Variants in MAP7D3 observed in about 807,000 individuals in gnomAD.
MAP7D3 encodes the protein MAP7 domain-containing protein 3.
MAP7D3 carries 45 observed loss-of-function variants against 62.2 expected under a neutral mutation model. That is an observed-to-expected ratio of 0.72 (90% CI 0.57 to 0.93). MAP7D3 has a LOEUF of 0.93. Among genes scored for constraint, MAP7D3 ranks in the 40% least tolerant of loss-of-function variants. The pLI, the probability that MAP7D3 is intolerant of heterozygous loss-of-function variation, is 0.00. For synonymous variants in MAP7D3, 288 were observed against 248.8 expected (o/e 1.16, Z -1.48); for missense variants, 711 against 683.1 (o/e 1.04, Z -0.45).
chrX:136,239,043 A>C (rs756828036), intron 6 of MAP7D3, among the ~76,000 whole-genome samples: 1 of 112,018 alleles, frequency 8.9e-6, no homozygotes, highest in South Asian at 3.7e-4. Context: ...ATCTTTCCTC[A>C]TCATTTTTAC....
rs753522506 is a variant in MAP7D3, at chrX:136,230,866, C to A, written c.1514G>T (p.Cys505Phe). Reference sequence around the variant, plus strand: ...AGTGCTGATGGGAGACGGCAGACCACAAGCATTTTCAGGAGATGATGACCA... The same window carrying A: ...AGTGCTGATGGGAGACGGCAGACCAAAAGCATTTTCAGGAGATGATGACCA... ...YKWSSSPENACGLPSPISTNR... is the reference protein window; with the variant it reads ...YKWSSSPENAFGLPSPISTNR... The change falls in exon 9 of 19, where the codon TGT becomes TTT. Residue 505 changes from cysteine to phenylalanine, a missense_variant. Coordinates refer to ENST00000316077, the MANE Select transcript of MAP7D3 (RefSeq NM_024597.4). 1.7e-5 allele frequency: 20 copies of A among 1,204,417 alleles called. No homozygotes were observed. In the East Asian group the frequency reaches 4.7e-4, roughly 29 times the overall value.
upstream of MAP7D3, chrX:136,256,150 C>T (rs1182001142): frequency 5.3e-6 from 4 of 750,163 alleles, no homozygotes; most frequent in Non-Finnish European, 6.3e-6. Context: ...TTTCTCCTCT[C>T]GTCGCTCACT....
intron 8 of MAP7D3, 165 bp from the exon 9 acceptor site, chrX:136,231,131 G>A (rs1340764021): frequency 5.7e-6 from 2 of 353,706 alleles, no homozygotes; most frequent in Admixed American, 5.4e-5. Flanking sequence ...ATTGATATTT[G>A]CTTCTGGACT....
In MAP7D3 at chrX:136,217,197, G is replaced by A. The variant is rs1374275808; in HGVS notation, c.*1329C>T. On this transcript the variant is annotated 3_prime_UTR_variant, in exon 19 of 19. Transcript: ENST00000316077. The stretch of plus-strand genomic sequence containing the variant: ...TCATATACTGTGTGTGCATACATAC[G>A]TGTATGTACATCTGTGTGCATTTCT... 2 of 112,163 alleles carry A rather than the reference G, an allele frequency of 1.8e-5. No individual in the cohort carries two copies. The highest frequency in any genetic ancestry group is 3.8e-5 in the Non-Finnish European group (2 of 53,175). 9.2% of individuals were successfully genotyped at this position (112,163 alleles called of 1,213,427 possible).
intron 1 of MAP7D3, among the ~76,000 whole-genome samples, chrX:136,248,848 TA>T (rs2074476502): frequency 8.9e-6 from 1 of 112,138 alleles, no homozygotes; most frequent in African/African-American, 3.2e-5. Context: ...TTCACACAGG[TA>T]GTAAGTGGTG....
chrX:136,226,164 G>A (rs1410402467), intron 12 of MAP7D3, 151 bp from the exon 13 acceptor site: 13 of 422,198 alleles, frequency 3.1e-5, no homozygotes, highest in Non-Finnish European at 4.0e-5. Context: ...TGATATTTGC[G>A]GATTGTCAAT....
At chrX:136,233,357 C>T (rs1244363126) in intron 7 of MAP7D3, among the ~76,000 whole-genome samples, 1 of 106,994 alleles carries the variant, frequency 9.3e-6, no homozygotes, top group East Asian at 2.9e-4. Context: ...TCACTGCAAC[C>T]TCCGCCTCCC....
Position 136,232,166 on chromosome X carries a change from C to A in MAP7D3, c.791G>T (p.Cys264Phe), listed in dbSNP as rs201515852. The A allele has an allele frequency of 1.7e-6, 2 of 1,207,076 alleles. No individual in the cohort carries two copies. The highest frequency in any genetic ancestry group is 3.5e-5 in the African/African-American group (2 of 57,236). ...MQYVTVPLRK[C>F]TSDELRAVMF... is the part of the protein sequence containing the mutation. Reference sequence around the variant, plus strand: ...AACAGCCCTCAATTCGTCGCTAGTACATTTACGCAAGGGTACAGTGACATA... The same window carrying A: ...AACAGCCCTCAATTCGTCGCTAGTAAATTTACGCAAGGGTACAGTGACATA... Residue 264 changes from cysteine to phenylalanine, a missense_variant, in exon 8 of 19, where the codon TGT becomes TTT. Cys to Phe is a radical substitution (Grantham distance 205). Transcript: ENST00000316077.
At chrX:136,245,679 G>A (rs765859875) in intron 3 of MAP7D3, among the ~76,000 whole-genome samples, 101 of 110,429 alleles carry the variant, frequency 9.1e-4, no homozygotes, top group African/African-American at 3.0e-3. Flanking sequence ...CCCGGGAGGC[G>A]GAGGCTGCAG....
At chrX:136,224,216 C>T (rs765068134) in intron 14 of MAP7D3, among the ~76,000 whole-genome samples, 1 of 108,999 alleles carries the variant, frequency 9.2e-6, no homozygotes, top group African/African-American at 3.3e-5. Context: ...GTCTGGCCAA[C>T]ATGTTGAAAC....
chrX:136,243,647 G>A (rs1043751287), intron 4 of MAP7D3, among the ~76,000 whole-genome samples: 3 of 109,734 alleles, frequency 2.7e-5, no homozygotes, highest in Non-Finnish European at 5.7e-5. Context: ...AAGTTGCAGT[G>A]AGCCAAGATC....
intron 6 of MAP7D3, among the ~76,000 whole-genome samples, chrX:136,238,125 T>A (rs1331012232): frequency 2.7e-5 from 3 of 111,728 alleles, no homozygotes; most frequent in Non-Finnish European, 3.8e-5. Flanking sequence ...CAGTCTATCA[T>A]TGATGGACAT....
chrX:136,240,245 C>A, intron 6 of MAP7D3, 137 bp downstream of exon 6: 1 of 442,830 alleles, frequency 2.3e-6, no homozygotes, highest in Non-Finnish European at 4.0e-6. Context: ...ATCTCTCTCC[C>A]TCTGCTGTAA....
At chrX:136,252,676 C>CAAAA (rs770751343), upstream of MAP7D3, among the ~76,000 whole-genome samples, 65 of 36,039 alleles carry the variant, frequency 1.8e-3, no homozygotes, top group African/African-American at 3.5e-3. Context: ...GACTCTGTCT[C>CAAAA]AAAAAAAAAA....
intron 7 of MAP7D3, among the ~76,000 whole-genome samples, chrX:136,232,601 G>A (rs773965159): frequency 2.7e-5 from 3 of 111,582 alleles, no homozygotes; most frequent in Admixed American, 9.5e-5. Flanking sequence ...AAACATCTTC[G>A]CCAGGGCTAG....
intron 10 of MAP7D3, among the ~76,000 whole-genome samples, chrX:136,229,756 A>G (rs748236584): frequency 1.9e-5 from 2 of 105,703 alleles, no homozygotes; most frequent in East Asian, 5.9e-4. Context: ...ACTAGAGTGT[A>G]AAGGCACTAT....
Position 136,245,563 on chromosome X carries a change from C to T in MAP7D3, c.253+502G>A, listed in dbSNP as rs5974588. ...GAGATCAAGACCACCCGGGCTAACACGATGAAACCCCGTCTCTACCAAAAA... is the reference window on the plus strand; with the variant it reads ...GAGATCAAGACCACCCGGGCTAACATGATGAAACCCCGTCTCTACCAAAAA... On this transcript the variant is annotated intron_variant, in intron 3 of 18. Coordinates refer to ENST00000316077, the MANE Select transcript of MAP7D3 (RefSeq NM_024597.4). Among the ~76,000 whole-genome samples the T allele has an allele frequency of 5.2e-3, 571 of 110,810 alleles. 1 individual carries two copies. The highest frequency in any genetic ancestry group is 0.018 in the African/African-American group (543 of 30,466).
In MAP7D3 at chrX:136,233,287, T is replaced by TC. The variant is rs1408111101; in HGVS notation, c.737-1068_737-1067insG. Among the ~76,000 whole-genome samples the TC allele has an allele frequency of 5.5e-5, 6 of 108,477 alleles. No homozygotes were observed. In the East Asian group the frequency reaches 1.7e-3, roughly 31 times the overall value. 94.2% of individuals were successfully genotyped at this position (108,477 alleles called of 115,157 possible). On this transcript the variant is annotated intron_variant, in intron 7 of 18. Transcript: ENST00000316077. Reference sequence around the variant, plus strand: ...TTGCTTAAACGATTAATTTTTTTTTTTTTTTGAGATGGAGTCTCGCTCTAT... The same window carrying TC: ...TTGCTTAAACGATTAATTTTTTTTTTCTTTTTGAGATGGAGTCTCGCTCTAT...
In MAP7D3 at chrX:136,244,618, G is replaced by A. The variant is rs183785850; in HGVS notation, c.417+14C>T. 84 of 1,199,443 alleles carry A rather than the reference G, an allele frequency of 7.0e-5. No homozygotes were observed. The African/African-American group carries it at 1.3e-3, about 19-fold the overall frequency. ...CAGTTTATCCTCTCATGCACAGGCT[G>A]CAAAATTATGTACCTTTTGTGCTTC... On this transcript the variant is annotated intron_variant, in intron 4 of 18. Transcript: ENST00000316077.
Sources: allele counts gnomAD v4.1 joint callset (sites outside exome capture counted in the v4.1 genomes callset), GRCh38; gene constraint gnomAD v4.1.1; transcripts MANE v1.5; gene names NCBI Gene and HGNC (gene_info 2026-07-23, HGNC 2026-07-21).